EPHA7: variants seen among roughly 807,000 people sequenced by gnomAD.
EPHA7 encodes the protein ephrin type-A receptor 7.
In EPHA7, 25 loss-of-function variants were observed where a neutral mutation model predicts 112.6. The ratio of observed to expected loss-of-function variants is 0.22; its 90% CI spans 0.16 to 0.31. The LOEUF is 0.31. Ranked by LOEUF, EPHA7 falls within the 10% of genes least tolerant of loss-of-function variation. EPHA7 has a pLI of 1.00. For synonymous variants in EPHA7, 437 were observed against 406.5 expected, an observed-to-expected ratio of 1.07 and a Z score of -0.90; for missense variants, 962 against 1,212.6, an observed-to-expected ratio of 0.79 and a Z score of 3.07.
intron 3 of EPHA7, among the ~76,000 whole-genome samples, chr6:93,405,809 GTGTGTATATATATATATA>G (rs1278592045): frequency 6.2e-4 from 38 of 61,616 alleles, no homozygotes; most frequent in African/African-American, 3.2e-3. Context: ...GTGTGTGTGT[GTGTGTATATATATATATA>G]TATATATATA....
At position 93,240,213 on chromosome 6, in the gene EPHA7, A is replaced by C. The variant is rs1426209001; in HGVS notation, c.*3213T>G. 4.5e-6 allele frequency: 1 copy of C among 223,576 alleles called. No homozygotes were observed. Among genetic ancestry groups the C allele is most frequent in the Non-Finnish European group, 8.9e-6 (1 of 112,106 alleles). 13.8% of individuals were successfully genotyped at this position (223,576 alleles called of 1,614,324 possible). ...GGGACAAATTCAACCAACGAAAAGC[A>C]CATCTCGCCCCGAGTTCCCCATGAT... On this transcript the variant is annotated 3_prime_UTR_variant, in exon 17 of 17. Transcript: ENST00000369303.
At chr6:93,390,178 T>A (rs1187724858) in intron 3 of EPHA7, among the ~76,000 whole-genome samples, 2 of 148,120 alleles carry the variant, frequency 1.4e-5, no homozygotes, top group Non-Finnish European at 3.0e-5. Context: ...AATAAGAAAA[T>A]CTACAATGTG....
chr6:93,353,433 A>T (rs764091745), intron 5 of EPHA7, among the ~76,000 whole-genome samples: 16 of 152,174 alleles, frequency 1.1e-4, no homozygotes. Context: ...AAGATAATTG[A>T]TAACTAGATA....
At chr6:93,339,610 C>G (rs1775044278) in intron 5 of EPHA7, among the ~76,000 whole-genome samples, 1 of 151,654 alleles carries the variant, frequency 6.6e-6, no homozygotes, top group East Asian at 1.9e-4. Flanking sequence ...CATTTTGATT[C>G]TAAATTCAGT....
chr6:93,249,405 T>A (rs1489985723), intron 14 of EPHA7, among the ~76,000 whole-genome samples: 2 of 152,176 alleles, frequency 1.3e-5, no homozygotes, highest in African/African-American at 4.8e-5. Context: ...TAAAAGTAAT[T>A]TACTTTTAGA....
At chr6:93,247,043 A>G in intron 14 of EPHA7, 58 bp from the exon 15 acceptor site, 1 of 1,424,172 alleles carries the variant, frequency 7.0e-7, no homozygotes. Flanking sequence ...ATAATAAACC[A>G]AATTTCCTGG....
chr6:93,278,995 G>A (rs984697838), intron 5 of EPHA7, among the ~76,000 whole-genome samples: 12 of 152,086 alleles, frequency 7.9e-5, no homozygotes, highest in African/African-American at 2.9e-4. Flanking sequence ...ATAGGGATCT[G>A]CTCAGTAGGC....
At chr6:93,295,090 G>A (rs962513678) in intron 5 of EPHA7, among the ~76,000 whole-genome samples, 1 of 151,584 alleles carries the variant, frequency 6.6e-6, no homozygotes, top group Non-Finnish European at 1.5e-5. Context: ...AGGGAGAGAG[G>A]AACAAAAGGA....
chr6:93,335,292 C>G (rs939393341), intron 5 of EPHA7, among the ~76,000 whole-genome samples: 1 of 151,906 alleles, frequency 6.6e-6, no homozygotes, highest in Admixed American at 6.6e-5. Context: ...AGTTTTAGAA[C>G]AAAATGAGAT....
rs1317809401 is a variant in EPHA7 at position 93,246,786 on chromosome 6, T to G, written c.2726+6A>C. ...CCCAGATTCCATTCCCTTAGGCATT[T>G]CTTACCTACTACAAGTTCCCAGGGG... is the stretch of plus-strand genomic sequence containing the variant. On this transcript the variant is annotated splice_donor_region_variant and intron_variant, in intron 15 of 16. Coordinates refer to ENST00000369303, the MANE Select transcript of EPHA7 (RefSeq NM_004440.4). The G allele has an allele frequency of 6.3e-7, 1 of 1,594,366 alleles. No homozygotes were observed.
chr6:93,312,363 A>G (rs1773583326), intron 5 of EPHA7, among the ~76,000 whole-genome samples: 1 of 151,998 alleles, frequency 6.6e-6, no homozygotes, highest in Admixed American at 6.6e-5. Context: ...TTTCTATATC[A>G]ACACTTGCTT....
At chr6:93,387,399 A>G (rs993969344) in intron 3 of EPHA7, among the ~76,000 whole-genome samples, 1 of 152,228 alleles carries the variant, frequency 6.6e-6, no homozygotes, top group Admixed American at 6.5e-5. Context: ...AAGCCATTCA[A>G]TAAGTCTCTA....
intron 3 of EPHA7, among the ~76,000 whole-genome samples, chr6:93,365,889 TTTAA>T (rs1434586179): frequency 2.0e-5 from 3 of 152,192 alleles, no homozygotes; most frequent in Non-Finnish European, 2.9e-5. Flanking sequence ...ATTTGTGTTA[TTTAA>T]TTATTTGATG....
At chr6:93,407,437 T>A (rs528140217) in intron 3 of EPHA7, among the ~76,000 whole-genome samples, 2 of 152,056 alleles carry the variant, frequency 1.3e-5, no homozygotes, top group Admixed American at 1.3e-4. Context: ...CAGCAATGCA[T>A]TGGAATTATG....
chr6:93,257,640 G>C, intron 11 of EPHA7, 117 bp from the exon 12 acceptor site: 1 of 657,400 alleles, frequency 1.5e-6, no homozygotes, highest in Non-Finnish European at 2.6e-6. Context: ...TGAGAAGTAT[G>C]AGCATTTCTT....
At chr6:93,336,777 C>T (rs186323847) in intron 5 of EPHA7, among the ~76,000 whole-genome samples, 2 of 151,844 alleles carry the variant, frequency 1.3e-5, no homozygotes, top group Non-Finnish European at 2.9e-5. Context: ...GCTCAAGTAA[C>T]CAAGAGTAAC....
intron 14 of EPHA7, among the ~76,000 whole-genome samples, chr6:93,248,089 A>C (rs922212950): frequency 6.8e-6 from 1 of 147,428 alleles, no homozygotes; most frequent in East Asian, 2.1e-4. Context: ...TAATGGTAGA[A>C]ATGTAACAAA....
intron 3 of EPHA7, among the ~76,000 whole-genome samples, chr6:93,385,282 G>A (rs1278918578): frequency 2.6e-5 from 4 of 152,004 alleles, no homozygotes; most frequent in African/African-American, 9.7e-5. Context: ...AAAAATATAT[G>A]TGTACGCATA....
chr6:93,376,753 T>G (rs1381813876), intron 3 of EPHA7, among the ~76,000 whole-genome samples: 1 of 152,110 alleles, frequency 6.6e-6, no homozygotes, highest in African/African-American at 2.4e-5. Context: ...GGGCTTCAAG[T>G]TAAAGATTTG....
Sources: allele counts gnomAD v4.1 joint callset (sites outside exome capture counted in the v4.1 genomes callset), GRCh38; gene constraint gnomAD v4.1.1; transcripts MANE v1.5; gene names NCBI Gene and HGNC (gene_info 2026-07-23, HGNC 2026-07-21).